The following AGBL4 variants were observed in gnomAD, a reference collection of about 807,000 sequenced individuals.
AGBL4 encodes the protein AGBL carboxypeptidase 4.
AGBL4 carries 58 observed loss-of-function variants against 66.4 expected under a neutral mutation model. The ratio of observed to expected loss-of-function variants is 0.87; its 90% confidence interval spans 0.71 to 1.09. The LOEUF (loss-of-function observed/expected upper bound fraction) is 1.09, where lower values mean the gene tolerates loss of function less well. Among genes scored for constraint, AGBL4 ranks in the 50% least tolerant of loss-of-function variants. The pLI is 0.00. For synonymous variants in AGBL4, 234 were observed against 222.9 expected, an observed-to-expected ratio of 1.05 and a Z score of -0.44; for missense variants, 579 against 631.0, an observed-to-expected ratio of 0.92 and a Z score of 0.88.
chr1:49,148,463 C>T (rs1646261877), intron 4 of AGBL4, among the ~76,000 whole-genome samples: 2 of 152,160 alleles, frequency 1.3e-5, no homozygotes, highest in African/African-American at 4.8e-5. Flanking sequence ...TTCTTTGAAA[C>T]TTATCACTGA....
At chr1:49,168,249 G>A (rs1319572142) in intron 4 of AGBL4, among the ~76,000 whole-genome samples, 1 of 152,128 alleles carries the variant, frequency 6.6e-6, no homozygotes, top group East Asian at 1.9e-4. Context: ...CATGTTAAGA[G>A]TTTCTTTCGA....
chr1:49,942,031 C>T (rs879934036), intron 1 of AGBL4, among the ~76,000 whole-genome samples: 55 of 151,870 alleles, frequency 3.6e-4, no homozygotes, highest in African/African-American at 1.3e-3. Flanking sequence ...AATAAATAAT[C>T]AACATATGAA....
intron 4 of AGBL4, among the ~76,000 whole-genome samples, chr1:49,178,421 C>A (rs111519264): frequency 6.6e-6 from 1 of 152,080 alleles, no homozygotes; most frequent in African/African-American, 2.4e-5. Flanking sequence ...GCTCTGCATG[C>A]GGAATTCAAG....
intron 8 of AGBL4, among the ~76,000 whole-genome samples, chr1:48,637,653 G>A (rs1011963511): frequency 6.6e-6 from 1 of 152,224 alleles, no homozygotes; most frequent in African/African-American, 2.4e-5. Context: ...GTGGAACAGA[G>A]GCAGAGTATT....
Position 49,924,229 on chromosome 1 carries a change from A to T in AGBL4, c.35-72711T>A, listed in dbSNP as rs570965667. ...CTGCATGTTCTCACTTACAATTGGG[A>T]GTTAAATGATGAGAACACATTGACA... On this transcript the variant is annotated intron_variant, in intron 1 of 13. Coordinates refer to ENST00000371839, the MANE Select transcript of AGBL4 (RefSeq NM_032785.4). Among the ~76,000 whole-genome samples, 3 of 152,312 alleles carry T rather than the reference A, an allele frequency of 2.0e-5. No homozygotes were observed. In the East Asian group the frequency reaches 5.8e-4, roughly 29 times the overall value.
At position 48,907,399 on chromosome 1, in the gene AGBL4, C is replaced by T. The variant is rs371401081; in HGVS notation, c.595-40169G>A. On this transcript the variant is annotated intron_variant, in intron 5 of 13. Transcript: ENST00000371839. ...TATGTTGCTGAATAAATGAGCACTTCTGTTCAAGCACTCTAAAGGTCCACG... is the reference window on the plus strand; with the variant it reads ...TATGTTGCTGAATAAATGAGCACTTTTGTTCAAGCACTCTAAAGGTCCACG... Among the ~76,000 whole-genome samples, 5 of 152,208 alleles carry T rather than the reference C, an allele frequency of 3.3e-5. No individual in the cohort carries two copies. In the South Asian group the frequency reaches 8.3e-4, roughly 25 times the overall value.
chr1:48,613,788 T>C (rs1645276744), intron 9 of AGBL4, among the ~76,000 whole-genome samples: 1 of 152,346 alleles, frequency 6.6e-6, no homozygotes, highest in South Asian at 2.1e-4. Context: ...GGACATGAAA[T>C]AAATGTTTGC....
chr1:48,841,113 G>A (rs1043233835), intron 6 of AGBL4, among the ~76,000 whole-genome samples: 2 of 152,150 alleles, frequency 1.3e-5, no homozygotes, highest in South Asian at 2.1e-4. Context: ...GGGGTTAGGA[G>A]GAAGGGTGTG....
chr1:48,916,933 G>A (rs1653632793), intron 5 of AGBL4, among the ~76,000 whole-genome samples: 1 of 152,090 alleles, frequency 6.6e-6, no homozygotes, highest in Admixed American at 6.5e-5. Context: ...AGAATTAGCA[G>A]CAATTTAAAT....
Position 49,971,907 on chromosome 1 carries a change from G to GTTTTTT in AGBL4, c.34+51850_34+51855dup, listed in dbSNP as rs745772850. On this transcript the variant is annotated intron_variant, in intron 1 of 13. Coordinates refer to ENST00000371839, the MANE Select transcript of AGBL4 (RefSeq NM_032785.4). ...AAGTACAAGTGCAGGGTTTTTTTGGGTTTTTTTTTTTTTTTTTTTTTTTTT... is the reference window on the plus strand; with the variant it reads ...AAGTACAAGTGCAGGGTTTTTTTGGGTTTTTTTTTTTTTTTTTTTTTTTTTTTTTTT... 7.7e-4 allele frequency among the ~76,000 whole-genome samples: 18 copies of GTTTTTT among 23,442 alleles called. 1 individual carries two copies. Among genetic ancestry groups the GTTTTTT allele is most frequent in the East Asian group, 1.4e-3 (1 of 712 alleles). The allele number at this position is 23,442 out of a possible 152,430, so 15.4% of individuals were successfully genotyped here.
chr1:48,726,954 C>T (rs541941521), intron 6 of AGBL4, among the ~76,000 whole-genome samples: 111 of 152,328 alleles, frequency 7.3e-4, no homozygotes, highest in African/African-American at 2.4e-3. Flanking sequence ...GGAATCTAGA[C>T]GCATCGGCCC....
At chr1:49,214,534 A>G (rs1376128215) in intron 4 of AGBL4, among the ~76,000 whole-genome samples, 1 of 152,146 alleles carries the variant, frequency 6.6e-6, no homozygotes, top group Non-Finnish European at 1.5e-5. Flanking sequence ...GTTGAGATAC[A>G]GACTTGAGCA....
intron 5 of AGBL4, among the ~76,000 whole-genome samples, chr1:48,880,025 T>C (rs1008547835): frequency 5.9e-5 from 9 of 152,152 alleles, no homozygotes; most frequent in Non-Finnish European, 1.0e-4. Flanking sequence ...CATGAGTAAG[T>C]TCTTTGGCGG....
At chr1:48,732,817 A>C (rs2148561679) in intron 6 of AGBL4, among the ~76,000 whole-genome samples, 1 of 152,288 alleles carries the variant, frequency 6.6e-6, no homozygotes, top group South Asian at 2.1e-4. Context: ...AGAGAAGCTG[A>C]GGAGTGCTTG....
At chr1:49,190,429 TATCA>T (rs927649544) in intron 4 of AGBL4, among the ~76,000 whole-genome samples, 5 of 152,220 alleles carry the variant, frequency 3.3e-5, no homozygotes, top group Non-Finnish European at 7.3e-5. Flanking sequence ...CTTAACTTTT[TATCA>T]ATCATGTTAA....
chr1:49,923,247 G>A (rs1215355619), intron 1 of AGBL4, among the ~76,000 whole-genome samples: 1 of 152,158 alleles, frequency 6.6e-6, no homozygotes, highest in African/African-American at 2.4e-5. Flanking sequence ...ATGGTGCCGG[G>A]ATAACTGGTT....
chr1:49,853,164 A>G (rs915687455), intron 1 of AGBL4, among the ~76,000 whole-genome samples: 2 of 151,980 alleles, frequency 1.3e-5, no homozygotes, highest in African/African-American at 4.8e-5. Flanking sequence ...AGGACCAGAC[A>G]CAGAAATGAC....
intron 2 of AGBL4, among the ~76,000 whole-genome samples, chr1:49,798,741 C>A (rs1468452280): frequency 6.6e-6 from 1 of 152,044 alleles, no homozygotes; most frequent in Non-Finnish European, 1.5e-5. Context: ...ATGACAATTG[C>A]AGTGTTATAG....
chr1:49,065,431 G>A (rs111559519), intron 4 of AGBL4, among the ~76,000 whole-genome samples: 5 of 152,272 alleles, frequency 3.3e-5, no homozygotes, highest in African/African-American at 1.2e-4. Flanking sequence ...TTATGTGAAG[G>A]AGCAGAGATG....
Sources: gnomAD v4.1 joint callset for allele counts (sites outside exome capture counted in the v4.1 genomes callset) on GRCh38, gnomAD v4.1.1 for gene constraint, MANE v1.5 for transcripts, NCBI Gene and HGNC (gene_info 2026-07-23, HGNC 2026-07-21) for gene names.